Variants in DGKB observed in about 807,000 individuals in gnomAD.
DGKB encodes diacylglycerol kinase beta.
In DGKB, 67 loss-of-function variants were observed where a neutral mutation model predicts 114.3. The ratio of observed to expected loss-of-function variants is 0.59; its 90% CI spans 0.48 to 0.72. DGKB has a LOEUF of 0.72. Among genes scored for constraint, DGKB ranks in the 30% least tolerant of loss-of-function variants. The probability of loss-of-function intolerance (pLI) is 0.00; values close to 1 mark genes in which losing one functional copy is unlikely to be tolerated. For missense variants in DGKB, 907 were observed against 975.2 expected, an observed-to-expected ratio of 0.93 and a Z score of 0.93; for synonymous variants, 398 against 323.1, an observed-to-expected ratio of 1.23 and a Z score of -2.49.
At chr7:14,701,287 C>T (rs1309246282) in intron 7 of DGKB, among the ~76,000 whole-genome samples, 4 of 152,198 alleles carry the variant, frequency 2.6e-5, no homozygotes, top group African/African-American at 9.6e-5. Context: ...TGACTTTATA[C>T]ATCCTTAAAA....
chr7:14,828,503 C>T (rs1845995584), intron 2 of DGKB, among the ~76,000 whole-genome samples: 1 of 152,116 alleles, frequency 6.6e-6, no homozygotes. Flanking sequence ...GGCGTAACAA[C>T]ATGGGCAAGC....
At chr7:14,509,437 A>C (rs1198404009) in intron 20 of DGKB, among the ~76,000 whole-genome samples, 1 of 152,164 alleles carries the variant, frequency 6.6e-6, no homozygotes, top group Admixed American at 6.5e-5. Context: ...AGTGGAGTAT[A>C]ATCAAACATC....
Position 14,323,749 on chromosome 7 carries a change from A to G in DGKB, c.2122+14766T>C, listed in dbSNP as rs570116986. 3.7e-4 allele frequency among the ~76,000 whole-genome samples: 57 copies of G among 152,330 alleles called. No individual in the cohort carries two copies. In the South Asian group the frequency reaches 0.011, roughly 30 times the overall value. ...AGTAGAGTGAGAAGAGTTGTCATAA[A>G]TTAGATTGGCTGACACATATTAAAC... On this transcript the variant is annotated intron_variant, in intron 23 of 25. Transcript: ENST00000402815.
At chr7:14,947,396 C>T (rs917448866) in intron 1 of DGKB, among the ~76,000 whole-genome samples, 6 of 151,498 alleles carry the variant, frequency 4.0e-5, no homozygotes, top group African/African-American at 1.2e-4. Flanking sequence ...GAATTATTGT[C>T]GACATGTAAA....
At chr7:14,549,066 G>A (rs919773103) in intron 20 of DGKB, among the ~76,000 whole-genome samples, 14 of 151,862 alleles carry the variant, frequency 9.2e-5, no homozygotes, top group Admixed American at 6.6e-5. Context: ...AGCAATTAAA[G>A]GAAAAGTAAA....
chr7:14,422,470 T>C (rs1221578990), intron 21 of DGKB, among the ~76,000 whole-genome samples: 3 of 152,106 alleles, frequency 2.0e-5, no homozygotes, highest in African/African-American at 7.2e-5. Context: ...CATGTACATT[T>C]TATTTTGGCA....
chr7:14,716,744 T>C (rs1281562106), intron 6 of DGKB, among the ~76,000 whole-genome samples: 12 of 152,014 alleles, frequency 7.9e-5, no homozygotes, highest in African/African-American at 2.9e-4. Flanking sequence ...AGCCAGGCAT[T>C]GGCATTAAAA....
chr7:14,179,774 C>A (rs549109561), intron 23 of DGKB, among the ~76,000 whole-genome samples: 2 of 152,166 alleles, frequency 1.3e-5, no homozygotes, highest in Non-Finnish European at 2.9e-5. Context: ...TTATTTTTAA[C>A]TTTAAGCTGT....
intron 20 of DGKB, among the ~76,000 whole-genome samples, chr7:14,548,165 GA>G (rs1173797731): frequency 6.6e-6 from 1 of 152,122 alleles, no homozygotes; most frequent in Non-Finnish European, 1.5e-5. Context: ...GAATACTGTA[GA>G]ATATTTATTT....
intron 20 of DGKB, among the ~76,000 whole-genome samples, chr7:14,488,416 C>A (rs1410050436): frequency 6.6e-6 from 1 of 152,066 alleles, no homozygotes; most frequent in Non-Finnish European, 1.5e-5. Flanking sequence ...TATATCATTT[C>A]TGTGATTAAA....
intron 4 of DGKB, among the ~76,000 whole-genome samples, chr7:14,746,600 G>A (rs1202600062): frequency 2.0e-5 from 3 of 152,210 alleles, no homozygotes; most frequent in African/African-American, 4.8e-5. Context: ...CTGGGTTCAA[G>A]CAATTCTACT....
intron 20 of DGKB, among the ~76,000 whole-genome samples, chr7:14,559,130 T>C (rs530651305): frequency 6.6e-6 from 1 of 152,332 alleles, no homozygotes; most frequent in African/African-American, 2.4e-5. Context: ...GTGACTTTTT[T>C]CAAAAATGTA....
chr7:14,838,901 C>A, intron 2 of DGKB, among the ~76,000 whole-genome samples: 1 of 152,150 alleles, frequency 6.6e-6, no homozygotes. Flanking sequence ...TGCCTCACCT[C>A]CCTTCCTCAA....
rs560169402 is a variant in DGKB at position 14,549,414 on chromosome 7, A to T, written c.1770+24798T>A. ...TACCTAGGAATAAATATTTTTTTTT[A>T]AAAAATTGATATATATTTTCTGTTT... On this transcript the variant is annotated intron_variant, in intron 20 of 25. Transcript: ENST00000402815. Among the ~76,000 whole-genome samples the T allele has an allele frequency of 2.4e-3, 361 of 152,042 alleles. 1 individual carries two copies. Among genetic ancestry groups the T allele is most frequent in the African/African-American group, 7.3e-3 (303 of 41,496 alleles).
intron 22 of DGKB, among the ~76,000 whole-genome samples, chr7:14,341,686 A>G (rs1811625943): frequency 6.6e-6 from 1 of 151,928 alleles, no homozygotes; most frequent in African/African-American, 2.4e-5. Flanking sequence ...AAAGAAAAGA[A>G]GACGGTTTCA....
intron 4 of DGKB, chr7:14,750,172 A>T: frequency 1.9e-6 from 1 of 518,214 alleles, no homozygotes; most frequent in Non-Finnish European, 3.9e-6. Flanking sequence ...CACTGAAGAC[A>T]TAAATATTTC....
chr7:14,257,748 T>TGGA (rs1291151444), intron 23 of DGKB, among the ~76,000 whole-genome samples: 4 of 152,132 alleles, frequency 2.6e-5, no homozygotes, highest in African/African-American at 9.7e-5. Flanking sequence ...TTTTTTGAGA[T>TGGA]GGAGTTTGGC....
chr7:14,705,619 G>A (rs1167682457), intron 6 of DGKB, among the ~76,000 whole-genome samples: 18 of 150,078 alleles, frequency 1.2e-4, no homozygotes, highest in African/African-American at 3.2e-4. Flanking sequence ...CGGATCTCTC[G>A]GCAGAAACCC....
upstream of DGKB, among the ~76,000 whole-genome samples, chr7:14,905,534 A>C (rs1430511177): frequency 1.3e-5 from 2 of 152,164 alleles, no homozygotes; most frequent in East Asian, 3.8e-4. Flanking sequence ...CAATCTAAAA[A>C]ATAAGAGAAA....
Sources: allele counts gnomAD v4.1 joint callset (sites outside exome capture counted in the v4.1 genomes callset), GRCh38; gene constraint gnomAD v4.1.1; transcripts MANE v1.5; gene names NCBI Gene and HGNC (gene_info 2026-07-23, HGNC 2026-07-21).